Variants in WWOX observed in about 807,000 individuals in gnomAD.
WWOX encodes WW domain containing oxidoreductase.
WWOX carries 69 observed loss-of-function variants against 46.2 expected under a neutral mutation model. The ratio of observed to expected loss-of-function variants is 1.49; its 90% confidence interval spans 1.23 to 1.82. The LOEUF is 1.82. Ranked by LOEUF, WWOX falls within the 40% of genes most tolerant of loss-of-function variation. WWOX has a pLI of 0.00. For synonymous variants in WWOX, 359 were observed against 202.6 expected, an observed-to-expected ratio of 1.77 and a Z score of -6.56; for missense variants, 919 against 542.6, an observed-to-expected ratio of 1.69 and a Z score of -6.89.
chr16:79,185,994 T>C (rs1237690217), intron 8 of WWOX, among the ~76,000 whole-genome samples: 2 of 152,084 alleles, frequency 1.3e-5, no homozygotes, highest in Non-Finnish European at 2.9e-5. Context: ...ATTATTAATA[T>C]GTCTGCTGGC....
chr16:78,219,504 G>A (rs1385653792), intron 5 of WWOX, among the ~76,000 whole-genome samples: 1 of 152,114 alleles, frequency 6.6e-6, no homozygotes, highest in Non-Finnish European at 1.5e-5. Flanking sequence ...TCTCTTTAAT[G>A]TAACATGACT....
intron 5 of WWOX, among the ~76,000 whole-genome samples, chr16:78,272,006 G>T (rs993615405): frequency 1.3e-5 from 2 of 152,212 alleles, no homozygotes; most frequent in Non-Finnish European, 2.9e-5. Flanking sequence ...CTACAGATAA[G>T]TCAGCCAAAC....
chr16:78,708,786 G>A (rs2048377800), intron 8 of WWOX, among the ~76,000 whole-genome samples: 1 of 152,166 alleles, frequency 6.6e-6, no homozygotes, highest in Non-Finnish European at 1.5e-5. Context: ...GAGGCATAAG[G>A]CTCCTTGAGG....
chr16:78,165,215 A>G (rs368768282), intron 5 of WWOX, among the ~76,000 whole-genome samples: 5 of 152,348 alleles, frequency 3.3e-5, no homozygotes, highest in African/African-American at 9.6e-5. Flanking sequence ...TTTTTGAAAC[A>G]TCGCTGGATT....
At chr16:78,370,976 A>ATGTC (rs776317489) in intron 5 of WWOX, among the ~76,000 whole-genome samples, 53,318 of 127,796 alleles carry the variant, frequency 0.42, 13,064 homozygotes, top group Non-Finnish European at 0.57. Flanking sequence ...CTGTGTTGTG[A>ATGTC]TTTCTTTTTT....
At chr16:78,181,922 A>C (rs892166260) in intron 5 of WWOX, among the ~76,000 whole-genome samples, 4 of 152,158 alleles carry the variant, frequency 2.6e-5, no homozygotes, top group Non-Finnish European at 4.4e-5. Flanking sequence ...CCCCATCAAC[A>C]TGATGGCCCT....
chr16:79,093,362 A>G (rs990743158), intron 8 of WWOX, among the ~76,000 whole-genome samples: 1 of 152,218 alleles, frequency 6.6e-6, no homozygotes, highest in Admixed American at 6.5e-5. Context: ...TTCTCATTTT[A>G]AAAAATGAGT....
At chr16:78,972,454 G>C (rs1319554962) in intron 8 of WWOX, among the ~76,000 whole-genome samples, 1 of 137,334 alleles carries the variant, frequency 7.3e-6, no homozygotes, top group African/African-American at 2.8e-5. Flanking sequence ...CTGGAAGGAA[G>C]TCAGCAAGCA....
intron 8 of WWOX, among the ~76,000 whole-genome samples, chr16:78,920,816 C>T (rs1327189303): frequency 6.6e-6 from 1 of 152,158 alleles, no homozygotes; most frequent in Non-Finnish European, 1.5e-5. Context: ...TTCCAAAAGA[C>T]CTGGCTTTGG....
At chr16:78,859,686 C>G (rs997742083) in intron 8 of WWOX, among the ~76,000 whole-genome samples, 4 of 152,120 alleles carry the variant, frequency 2.6e-5, no homozygotes, top group Admixed American at 2.0e-4. Context: ...GTAATGTACT[C>G]AAAAATTTCT....
chr16:78,848,158 C>G (rs563150421), intron 8 of WWOX, among the ~76,000 whole-genome samples: 37 of 152,344 alleles, frequency 2.4e-4, no homozygotes, highest in African/African-American at 8.7e-4. Flanking sequence ...ACTGTTGTTA[C>G]TCACTGGGTT....
intron 8 of WWOX, among the ~76,000 whole-genome samples, chr16:79,012,973 C>G (rs1035112826): frequency 2.0e-5 from 3 of 152,158 alleles, no homozygotes; most frequent in African/African-American, 4.8e-5. Context: ...GGGTGGATCG[C>G]CTGAGGTCAG....
chr16:78,684,211 T>C (rs764423485), intron 8 of WWOX, among the ~76,000 whole-genome samples: 3 of 152,124 alleles, frequency 2.0e-5, no homozygotes, highest in African/African-American at 4.8e-5. Context: ...ATCTTTCCCA[T>C]TGGTAGATTG....
chr16:78,863,855 A>G (rs1254642954), intron 8 of WWOX, among the ~76,000 whole-genome samples: 1 of 152,162 alleles, frequency 6.6e-6, no homozygotes, highest in East Asian at 1.9e-4. Context: ...ATTGTACAAT[A>G]TATGGTCTTT....
chr16:78,653,213 T>A lies in WWOX; in HGVS notation c.1056+220461T>A, dbSNP rs1033772971. On this transcript the variant is annotated intron_variant, in intron 8 of 8. Coordinates refer to ENST00000566780, the MANE Select transcript of WWOX (RefSeq NM_016373.4). ...AACATTGCTTGAAAAAACATACTAG[T>A]AATTTCCTAAGATTACACCATGTAA... Among the ~76,000 whole-genome samples, 5 of 152,348 alleles carry A rather than the reference T, an allele frequency of 3.3e-5. No individual in the cohort carries two copies. In the East Asian group the frequency reaches 9.6e-4, roughly 29 times the overall value.
intron 8 of WWOX, among the ~76,000 whole-genome samples, chr16:79,002,984 T>C (rs962984828): frequency 6.6e-6 from 1 of 152,288 alleles, no homozygotes; most frequent in East Asian, 1.9e-4. Flanking sequence ...AGAAAATCAT[T>C]TAAAAACTTC....
chr16:78,867,433 A>C (rs1160461790), intron 8 of WWOX, among the ~76,000 whole-genome samples: 1 of 152,008 alleles, frequency 6.6e-6, no homozygotes, highest in Non-Finnish European at 1.5e-5. Flanking sequence ...GAGCTATTAT[A>C]GTTTCCAATT....
chr16:78,987,439 C>T (rs886726977), intron 8 of WWOX, among the ~76,000 whole-genome samples: 2 of 152,232 alleles, frequency 1.3e-5, no homozygotes, highest in Non-Finnish European at 1.5e-5. Flanking sequence ...CGTATTTTGT[C>T]CTTTTTTCTT....
intron 5 of WWOX, among the ~76,000 whole-genome samples, chr16:78,260,270 G>C (rs903851287): frequency 6.6e-6 from 1 of 151,580 alleles, no homozygotes; most frequent in Non-Finnish European, 1.5e-5. Context: ...TGTTAAAAGA[G>C]AAACAAACAG....
Sources: gnomAD v4.1 joint callset for allele counts (sites outside exome capture counted in the v4.1 genomes callset) on GRCh38, gnomAD v4.1.1 for gene constraint, MANE v1.5 for transcripts, NCBI Gene and HGNC (gene_info 2026-07-23, HGNC 2026-07-21) for gene names.